Variants in CCNI observed in about 807,000 individuals in gnomAD.
CCNI encodes cyclin I, also known as cyclin-I.
Under a neutral mutation model 34.1 loss-of-function variants are expected in CCNI, and 14 were observed. That is an observed-to-expected ratio of 0.41 (90% CI 0.27 to 0.64). CCNI has a LOEUF of 0.64. Ranked by LOEUF, CCNI falls within the 30% of genes least tolerant of loss-of-function variation. CCNI has a pLI of 0.31. For missense variants in CCNI, 385 were observed against 440.5 expected (o/e 0.87, Z 1.13); for synonymous variants, 154 against 158.4 (o/e 0.97, Z 0.21).
In CCNI at chr4:77,075,619, G is replaced by C. The variant is rs1205894955; in HGVS notation, c.-191C>G. 2 of 962,984 alleles carry C rather than the reference G, an allele frequency of 2.1e-6. No individual in the cohort carries two copies. Among genetic ancestry groups the C allele is most frequent in the Non-Finnish European group, 2.5e-6 (2 of 808,208 alleles). 59.7% of individuals were successfully genotyped at this position (962,984 alleles called of 1,614,324 possible). On this transcript the variant is annotated 5_prime_UTR_variant, in exon 1 of 7. Transcript: ENST00000237654. The stretch of plus-strand genomic sequence containing the variant: ...GCGGGACGACTCGGCCAACTGAGGA[G>C]GGAGAAAGGGGAAGCGGATCGGGGG...
intron 2 of CCNI, among the ~76,000 whole-genome samples, chr4:77,065,361 A>G (rs192652684): frequency 1.3e-5 from 2 of 152,378 alleles, no homozygotes; most frequent in Admixed American, 1.3e-4. Flanking sequence ...TAAAAGACAT[A>G]TAAGACATCT....
In CCNI at chr4:77,075,475, C is replaced by CTCCTCCTCT. The variant is rs1729857111; in HGVS notation, c.-56_-48dup. 6.6e-6 allele frequency: 4 copies of CTCCTCCTCT among 610,516 alleles called. No homozygotes were observed. Among genetic ancestry groups the CTCCTCCTCT allele is most frequent in the Non-Finnish European group, 8.2e-6 (4 of 485,466 alleles). 37.8% of individuals were successfully genotyped at this position (610,516 alleles called of 1,614,324 possible). ...CGCCCCCGCCCCCGCCCCTCACCTT[C>CTCCTCCTCT]TCCTCCTCTTCCTCCTCCTCCTCCT... On this transcript the variant is annotated 5_prime_UTR_variant, in exon 1 of 7. Transcript: ENST00000237654.
chr4:77,066,529 T>G (rs1729049615), intron 1 of CCNI, 124 bp from the exon 2 acceptor site: 1 of 627,156 alleles, frequency 1.6e-6, no homozygotes, highest in Non-Finnish European at 2.7e-6. Context: ...TTTATAGCTC[T>G]TTAAAATATC....
At chr4:77,048,748 C>T in intron 6 of CCNI, 86 bp from the exon 7 acceptor site, 2 of 1,016,150 alleles carry the variant, frequency 2.0e-6, no homozygotes, top group Non-Finnish European at 2.7e-6. Flanking sequence ...CATTTTTCCT[C>T]CCTGTGCTTT....
At chr4:77,069,774 C>A (rs4252807) in intron 1 of CCNI, among the ~76,000 whole-genome samples, 1 of 151,930 alleles carries the variant, frequency 6.6e-6, no homozygotes, top group South Asian at 2.1e-4. Context: ...ACTCTACCCC[C>A]ACCTGTACCA....
intron 1 of CCNI, among the ~76,000 whole-genome samples, chr4:77,073,709 ACT>A (rs1415760619): frequency 1.1e-4 from 17 of 151,766 alleles, no homozygotes; most frequent in Admixed American, 6.6e-5. Flanking sequence ...AGTCTGTAAG[ACT>A]CTCTGGATTT....
intron 1 of CCNI, among the ~76,000 whole-genome samples, chr4:77,072,452 C>CCAA (rs1181982801): frequency 8.0e-5 from 5 of 62,248 alleles, no homozygotes; most frequent in African/African-American, 3.1e-4. Context: ...CTGTCTCCAC[C>CCAA]AAAAAAAAAA....
chr4:77,070,896 T>C (rs749619737), intron 1 of CCNI, among the ~76,000 whole-genome samples: 2 of 152,202 alleles, frequency 1.3e-5, no homozygotes, highest in Non-Finnish European at 2.9e-5. Context: ...ACAAGAGATA[T>C]TTAGAAGAAA....
chr4:77,055,902 T>C (rs1352877494), intron 5 of CCNI, 60 bp downstream of exon 5: 1 of 1,392,218 alleles, frequency 7.2e-7, no homozygotes, highest in Non-Finnish European at 9.8e-7. Flanking sequence ...CAATCTATTT[T>C]TTAATTTACT....
intron 6 of CCNI, among the ~76,000 whole-genome samples, chr4:77,052,661 G>A (rs1431559102): frequency 5.3e-5 from 8 of 152,144 alleles, no homozygotes; most frequent in South Asian, 2.1e-4. Flanking sequence ...GAATCATGTC[G>A]CAAATAATTT....
At chr4:77,049,612 A>G (rs1727698501) in intron 6 of CCNI, among the ~76,000 whole-genome samples, 1 of 149,892 alleles carries the variant, frequency 6.7e-6, no homozygotes, top group South Asian at 2.2e-4. Context: ...CAGGAGGTGG[A>G]GGTTGCAGTG....
At position 77,047,913 on chromosome 4, in the gene CCNI, C is replaced by A. The variant is rs4252951; in HGVS notation, c.*306G>T. 521 of 212,842 alleles carry A rather than the reference C, an allele frequency of 2.4e-3. 2 individuals are homozygous for A. The highest frequency in any genetic ancestry group is 0.011 in the African/African-American group (484 of 43,324). The allele number at this position is 212,842 out of a possible 1,614,324, so 13.2% of individuals were successfully genotyped here. A position where few individuals can be genotyped will look rare whatever the true frequency, so the allele number is the denominator to read the frequency against. On this transcript the variant is annotated 3_prime_UTR_variant, in exon 7 of 7. Transcript: ENST00000237654. ...CCATGAATTTTAATTGAATTTTTGA[C>A]GGGGCAAGCTACGTTACATTATGGC...
chr4:77,060,703 A>G (rs2109816393), intron 2 of CCNI, among the ~76,000 whole-genome samples: 1 of 151,120 alleles, frequency 6.6e-6, no homozygotes, highest in Middle Eastern at 3.4e-3. Flanking sequence ...AGTTCACTGC[A>G]GCCTCCGCCT....
At chr4:77,053,722 A>G (rs558657051) in intron 6 of CCNI, among the ~76,000 whole-genome samples, 1 of 152,354 alleles carries the variant, frequency 6.6e-6, no homozygotes, top group African/African-American at 2.4e-5. Flanking sequence ...AATGTAATGT[A>G]GGAGGTTTTC....
At chr4:77,048,962 GTT>G (rs538284505) in intron 6 of CCNI, among the ~76,000 whole-genome samples, 4,574 of 47,618 alleles carry the variant, frequency 0.096, 99 homozygotes, top group East Asian at 0.18. Flanking sequence ...TCCAACGTCT[GTT>G]TTTTTTTTTT....
Position 77,075,574 on chromosome 4 carries a change from G to C in CCNI, c.-146C>G. On this transcript the variant is annotated 5_prime_UTR_variant, in exon 1 of 7. Transcript: ENST00000237654. Reference sequence around the variant, plus strand: ...GGCCCGTTACCACCTCATTCTCATAGGCGCGCGGAGGCGGTGCGCGCGGGA... The same window carrying C: ...GGCCCGTTACCACCTCATTCTCATACGCGCGCGGAGGCGGTGCGCGCGGGA... The C allele has an allele frequency of 1.0e-6, 1 of 988,302 alleles. No individual in the cohort carries two copies. Among genetic ancestry groups the C allele is most frequent in the Non-Finnish European group, 1.2e-6 (1 of 830,534 alleles). The allele number at this position is 988,302 out of a possible 1,614,324, so 61.2% of individuals were successfully genotyped here.
chr4:77,054,890 T>C (rs1728098297), intron 6 of CCNI, among the ~76,000 whole-genome samples: 1 of 152,156 alleles, frequency 6.6e-6, no homozygotes, highest in South Asian at 2.1e-4. Flanking sequence ...GACAATATGG[T>C]ATTGACAATC....
chr4:77,069,692 G>A lies in CCNI; in HGVS notation c.-43-3287C>T, dbSNP rs919740427. 2.1e-5 allele frequency among the ~76,000 whole-genome samples: 3 copies of A among 145,432 alleles called. No homozygotes were observed. The South Asian group carries it at 6.4e-4, about 31-fold the overall frequency. Reference sequence around the variant, plus strand: ...CACTGTGTCCACAGCACAGTACTTCGACGGAACAGAGACCCAACCAATTGT... The same window carrying A: ...CACTGTGTCCACAGCACAGTACTTCAACGGAACAGAGACCCAACCAATTGT... On this transcript the variant is annotated intron_variant, in intron 1 of 6. Coordinates refer to ENST00000237654, the MANE Select transcript of CCNI (RefSeq NM_006835.3).
chr4:77,052,258 T>TC (rs1216302444), intron 6 of CCNI, among the ~76,000 whole-genome samples: 4 of 152,230 alleles, frequency 2.6e-5, no homozygotes, highest in African/African-American at 9.6e-5. Flanking sequence ...GATAATGGCC[T>TC]CCAGCTGCAT....
Sources: gnomAD v4.1 joint callset for allele counts (sites outside exome capture counted in the v4.1 genomes callset) on GRCh38, gnomAD v4.1.1 for gene constraint, MANE v1.5 for transcripts, NCBI Gene and HGNC (gene_info 2026-07-23, HGNC 2026-07-21) for gene names.